ZNF536: variants seen among roughly 807,000 people sequenced by gnomAD.
ZNF536 encodes the protein zinc finger protein 536.
ZNF536 carries 13 observed loss-of-function variants against 84.5 expected under a neutral mutation model. That is an observed-to-expected ratio of 0.15 (90% CI 0.10 to 0.24). The LOEUF (loss-of-function observed/expected upper bound fraction) is 0.24. Ranked by LOEUF, ZNF536 falls within the 10% of genes least tolerant of loss-of-function variation. The pLI, the probability that ZNF536 is intolerant of heterozygous loss-of-function variation, is 1.00. For missense variants in ZNF536, 1,536 were observed against 1,747.5 expected, an observed-to-expected ratio of 0.88 and a Z score of 2.16; for synonymous variants, 811 against 742.5, an observed-to-expected ratio of 1.09 and a Z score of -1.50.
At chr19:30,305,723 A>G (rs4341859) in intron 2 of ZNF536, among the ~76,000 whole-genome samples, 48,774 of 152,138 alleles carry the variant, frequency 0.32, 10,931 homozygotes, top group East Asian at 0.6. Flanking sequence ...CCCACTGTTC[A>G]ACACCTGAAG....
intron 1 of ZNF536, among the ~76,000 whole-genome samples, chr19:30,601,942 C>T (rs1292388851): frequency 6.6e-6 from 1 of 152,180 alleles, no homozygotes; most frequent in Non-Finnish European, 1.5e-5. Flanking sequence ...ATGCCTTTGC[C>T]ATGTGGCTCA....
intron 1 of ZNF536, among the ~76,000 whole-genome samples, chr19:30,602,778 G>A (rs542530200): frequency 2.0e-5 from 3 of 152,182 alleles, no homozygotes; most frequent in Non-Finnish European, 4.4e-5. Context: ...GTGCAAAGGC[G>A]GAGAGGTGTT....
intron 1 of ZNF536, among the ~76,000 whole-genome samples, chr19:30,275,378 A>G (rs565364928): frequency 6.6e-6 from 1 of 152,356 alleles, no homozygotes; most frequent in African/African-American, 2.4e-5. Flanking sequence ...GCTGGGGAGT[A>G]GGAACCCAGG....
chr19:30,572,294 G>C (rs1371138558), intron 1 of ZNF536, among the ~76,000 whole-genome samples: 1 of 152,200 alleles, frequency 6.6e-6, no homozygotes, highest in African/African-American at 2.4e-5. Flanking sequence ...CACATTCATG[G>C]GAGAGGGGTG....
chr19:30,428,672 G>C (rs575106379), intron 1 of ZNF536, among the ~76,000 whole-genome samples: 73 of 151,544 alleles, frequency 4.8e-4, no homozygotes, highest in African/African-American at 1.7e-3. Flanking sequence ...ACCTGGAGGT[G>C]GGGGTGGGGG....
intron 1 of ZNF536, among the ~76,000 whole-genome samples, chr19:30,373,197 C>T (rs745913176): frequency 6.6e-6 from 1 of 152,010 alleles, no homozygotes; most frequent in Non-Finnish European, 1.5e-5. Flanking sequence ...GCTTTTCTTC[C>T]CCCCGACCTT....
intron 1 of ZNF536, among the ~76,000 whole-genome samples, chr19:30,375,527 G>T (rs1287458424): frequency 6.6e-6 from 1 of 152,206 alleles, no homozygotes; most frequent in Admixed American, 6.5e-5. Context: ...CCTCTGCTGG[G>T]GAGCTCACCC....
intron 1 of ZNF536, among the ~76,000 whole-genome samples, chr19:30,403,939 A>G (rs1235046466): frequency 2.6e-5 from 4 of 151,760 alleles, no homozygotes; most frequent in Non-Finnish European, 5.9e-5. Context: ...CGAAGAACTC[A>G]TGGGAATTGA....
At chr19:30,275,845 GTGT>G (rs771209884) in intron 1 of ZNF536, among the ~76,000 whole-genome samples, 114 of 150,166 alleles carry the variant, frequency 7.6e-4, no homozygotes, top group Non-Finnish European at 1.4e-3. Flanking sequence ...GTGTGAGTGT[GTGT>G]GTGTGTGTGT....
intron 1 of ZNF536, among the ~76,000 whole-genome samples, chr19:30,603,790 TAATTA>T (rs1334748052): frequency 6.6e-6 from 1 of 152,130 alleles, no homozygotes; most frequent in Non-Finnish European, 1.5e-5. Context: ...ACTAAGCAAA[TAATTA>T]AATATGTGCA....
At chr19:30,232,928 A>G (rs1212687183) in intron 1 of ZNF536, among the ~76,000 whole-genome samples, 51 of 152,320 alleles carry the variant, frequency 3.3e-4, no homozygotes. Flanking sequence ...GGGAGAATCA[A>G]GCTTATTTCC....
Position 30,445,760 on chromosome 19 carries a change from C to A in ZNF536, c.2170+28C>A, listed in dbSNP as rs1193642979. 6.5e-7 allele frequency: 1 copy of A among 1,527,916 alleles called. No individual in the cohort carries two copies. Among genetic ancestry groups the A allele is most frequent in the Non-Finnish European group, 8.8e-7 (1 of 1,138,746 alleles). The allele number at this position is 1,527,916 out of a possible 1,614,324, so 94.6% of individuals were successfully genotyped here. On this transcript the variant is annotated intron_variant, in intron 2 of 4. Transcript: ENST00000355537. This position sits in a 1 kb window ranked among gnomAD's most constrained non-coding sequence, Gnocchi z 4.5. ...AGGTTAGCTGAGAAGCGGGGAGAAG[C>A]AGCTTGTACAGCAGCCCTGCTCAGG...
intron 1 of ZNF536, among the ~76,000 whole-genome samples, chr19:30,395,978 G>A (rs1000667354): frequency 2.6e-5 from 4 of 152,112 alleles, no homozygotes; most frequent in African/African-American, 4.8e-5. Context: ...ACATTGACAC[G>A]TCAATATCAC....
intron 1 of ZNF536, among the ~76,000 whole-genome samples, chr19:30,680,507 G>GT (rs1451214297): frequency 6.7e-6 from 1 of 149,160 alleles, no homozygotes; most frequent in East Asian, 2.0e-4. Flanking sequence ...GCGGTGTTTG[G>GT]TTTTTTGTTC....
chr19:30,453,104 T>C (rs1226734579), intron 2 of ZNF536, among the ~76,000 whole-genome samples: 3 of 152,156 alleles, frequency 2.0e-5, no homozygotes, highest in Non-Finnish European at 2.9e-5. Context: ...CAACATTTAC[T>C]TAAGCTGTGG....
In ZNF536 at chr19:30,549,275, A is replaced by G; in HGVS notation, c.3656A>G (p.Gln1219Arg). Residue 1219 changes from glutamine to arginine, a missense_variant, in exon 4 of 5, where the codon CAG becomes CGG. Transcript: ENST00000355537. ...CCCACAGGCACCTCCCAGCCCGTCCAGGGACTGGTCTCACCTTTATCCCAA... is the reference window on the plus strand; with the variant it reads ...CCCACAGGCACCTCCCAGCCCGTCCGGGGACTGGTCTCACCTTTATCCCAA... Reference protein sequence around the residue: ...LQPTGTSQPVQGLVSPLSQAP... With the variant: ...LQPTGTSQPVRGLVSPLSQAP... The G allele has an allele frequency of 6.2e-7, 1 of 1,613,874 alleles. No homozygotes were observed. The highest frequency in any genetic ancestry group is 8.5e-7 in the Non-Finnish European group (1 of 1,180,048).
At chr19:30,390,077 C>A (rs956095113) in intron 1 of ZNF536, among the ~76,000 whole-genome samples, 9 of 152,170 alleles carry the variant, frequency 5.9e-5, no homozygotes, top group Admixed American at 3.3e-4. Context: ...ACTCCATCTC[C>A]ATTGAGGCAG....
chr19:30,470,860 G>A (rs954198642), intron 2 of ZNF536, among the ~76,000 whole-genome samples: 38 of 151,742 alleles, frequency 2.5e-4, no homozygotes, highest in Non-Finnish European at 2.9e-5. Context: ...TACTCTTTTT[G>A]TATTTTTAGT....
chr19:30,267,819 T>C (rs80067658), intron 1 of ZNF536, among the ~76,000 whole-genome samples: 5,176 of 152,246 alleles, frequency 0.034, 285 homozygotes, highest in African/African-American at 0.12. Flanking sequence ...TTCACAGTGC[T>C]TTGCGAGTCT....
Sources: allele counts gnomAD v4.1 joint callset (sites outside exome capture counted in the v4.1 genomes callset), GRCh38; gene constraint gnomAD v4.1.1; non-coding constraint Gnocchi (gnomAD v3.1); transcripts MANE v1.5; gene names NCBI Gene and HGNC (gene_info 2026-07-23, HGNC 2026-07-21).